ARL14EPL: variants seen among roughly 807,000 people sequenced by gnomAD.
ARL14EPL encodes ARL14 effector protein-like.
In ARL14EPL, 17 loss-of-function variants were observed where a neutral mutation model predicts 15.9. The observed-to-expected ratio is 1.07, with a 90% CI of 0.73 to 1.60. The LOEUF (loss-of-function observed/expected upper bound fraction) is 1.60. Among genes scored for constraint, ARL14EPL ranks in the 40% most tolerant of loss-of-function variants. The probability of loss-of-function intolerance (pLI) is 0.00; values close to 1 mark genes in which losing one functional copy is unlikely to be tolerated. For missense variants in ARL14EPL, 214 were observed against 185.9 expected (o/e 1.15, Z -0.88); for synonymous variants, 78 against 63.8 (o/e 1.22, Z -1.06).
In ARL14EPL at chr5:116,059,263, G is replaced by A. The variant is rs992081873; in HGVS notation, c.*316G>A. 4.1e-6 allele frequency: 1 copy of A among 246,150 alleles called. No homozygotes were observed. 15.2% of individuals were successfully genotyped at this position (246,150 alleles called of 1,614,324 possible). ...CCTCTTTGCTGATATCTGAGAAAAT[G>A]TAGCTTTAAGATTTTCAAAACTCTG... On this transcript the variant is annotated 3_prime_UTR_variant, in exon 4 of 4. Transcript: ENST00000686077.
intron 1 of ARL14EPL, among the ~76,000 whole-genome samples, chr5:116,038,570 G>A (rs987082434): frequency 1.3e-5 from 2 of 152,114 alleles, no homozygotes; most frequent in Non-Finnish European, 1.5e-5. Context: ...GACCACAAAG[G>A]TTTTGGAGGA....
At position 116,047,053 on chromosome 5, in the gene ARL14EPL, T is replaced by C. The variant is rs566777406; in HGVS notation, c.-9-4404T>C. ...AGAGCCTGACCAAAAGCTGACTCAA[T>C]TGGCACCTTGATCTTGGACATCCCA... is the stretch of plus-strand genomic sequence containing the variant. On this transcript the variant is annotated intron_variant, in intron 1 of 3. Coordinates refer to ENST00000686077, the MANE Select transcript of ARL14EPL (RefSeq NM_001195581.2). Among the ~76,000 whole-genome samples, 7 of 152,306 alleles carry C rather than the reference T, an allele frequency of 4.6e-5. No individual in the cohort carries two copies. The East Asian group carries it at 5.8e-4, about 13-fold the overall frequency.
Position 116,039,141 on chromosome 5 carries a change from A to C in ARL14EPL, c.-10+6636A>C, listed in dbSNP as rs184252200. Among the ~76,000 whole-genome samples, 276 of 152,270 alleles carry C rather than the reference A, an allele frequency of 1.8e-3. 1 individual carries two copies. Among genetic ancestry groups the C allele is most frequent in the African/African-American group, 6.3e-3 (260 of 41,558 alleles). On this transcript the variant is annotated intron_variant, in intron 1 of 3. Transcript: ENST00000686077. ...TAGACTCAGTTGTACCCCAGGAGGG[A>C]GTGTAAGCCTGGGGCAGAAGGTCAG...
chr5:116,055,003 T>C (rs1056630604), intron 3 of ARL14EPL, among the ~76,000 whole-genome samples: 2 of 151,908 alleles, frequency 1.3e-5, no homozygotes, highest in Non-Finnish European at 2.9e-5. Flanking sequence ...AAAATCAGTA[T>C]CCAAAATATA....
chr5:116,037,808 G>T (rs1554077504), intron 1 of ARL14EPL, among the ~76,000 whole-genome samples: 1 of 152,132 alleles, frequency 6.6e-6, no homozygotes, highest in Non-Finnish European at 1.5e-5. Context: ...CTATCTAACT[G>T]TTTTCTTACC....
intron 1 of ARL14EPL, among the ~76,000 whole-genome samples, chr5:116,048,867 T>A (rs1383955915): frequency 2.6e-5 from 4 of 152,168 alleles, no homozygotes; most frequent in African/African-American, 4.8e-5. Flanking sequence ...ATAAAGAGAT[T>A]CCTGATTTCA....
intron 1 of ARL14EPL, among the ~76,000 whole-genome samples, chr5:116,037,463 C>A (rs1170017433): frequency 6.6e-6 from 1 of 152,162 alleles, no homozygotes; most frequent in South Asian, 2.1e-4. Context: ...CAGAGATAAA[C>A]AAATCATACC....
rs1749456494 is a variant in ARL14EPL at position 116,054,037 on chromosome 5, A to G, written c.120A>G (p.Lys40=). 5 of 1,535,398 alleles carry G rather than the reference A, an allele frequency of 3.3e-6. No individual in the cohort carries two copies. The highest frequency in any genetic ancestry group is 4.4e-6 in the Non-Finnish European group (5 of 1,146,562). The change falls in exon 3 of 4, where the codon AAA becomes AAG. Residue 40 remains lysine, a synonymous_variant. Coordinates refer to ENST00000686077, the MANE Select transcript of ARL14EPL (RefSeq NM_001195581.2). ...KQLQQIERQL[K]CLAFRNPGPQ... The stretch of plus-strand genomic sequence containing the variant: ...AGCAACAAATAGAGCGGCAGTTAAA[A>G]TGCTTGGCATTTCGAAACCCTGGAC...
At chr5:116,039,307 C>G (rs189660724) in intron 1 of ARL14EPL, among the ~76,000 whole-genome samples, 1 of 152,162 alleles carries the variant, frequency 6.6e-6, no homozygotes. Context: ...GGCCTTCAAG[C>G]AAAGATCACA....
chr5:116,056,851 C>T (rs1249078267), intron 3 of ARL14EPL, among the ~76,000 whole-genome samples: 2 of 152,162 alleles, frequency 1.3e-5, no homozygotes, highest in East Asian at 1.9e-4. Flanking sequence ...GATCCAATTT[C>T]AGCTTTCTAC....
At chr5:116,046,370 T>G (rs1024519709) in intron 1 of ARL14EPL, among the ~76,000 whole-genome samples, 3 of 152,164 alleles carry the variant, frequency 2.0e-5, no homozygotes, top group African/African-American at 7.2e-5. Context: ...CTCTACCCCA[T>G]GCAAGACACA....
chr5:116,050,443 C>T (rs1387341835), intron 1 of ARL14EPL, among the ~76,000 whole-genome samples: 2 of 152,158 alleles, frequency 1.3e-5, no homozygotes, highest in East Asian at 1.9e-4. Context: ...TTTATGGCTG[C>T]GTGGTATTCC....
intron 3 of ARL14EPL, among the ~76,000 whole-genome samples, chr5:116,056,753 T>A (rs1749527256): frequency 6.6e-6 from 1 of 152,182 alleles, no homozygotes; most frequent in East Asian, 1.9e-4. Context: ...ATTGCCTAGG[T>A]TTTCTTCTAG....
chr5:116,035,315 G>A (rs1749029257), intron 1 of ARL14EPL, among the ~76,000 whole-genome samples: 1 of 152,190 alleles, frequency 6.6e-6, no homozygotes, highest in Admixed American at 6.5e-5. Flanking sequence ...GCTTCAGTAG[G>A]TACTTCATTT....
intron 1 of ARL14EPL, among the ~76,000 whole-genome samples, chr5:116,041,180 A>G (rs1312186045): frequency 6.6e-6 from 1 of 152,056 alleles, no homozygotes; most frequent in Non-Finnish European, 1.5e-5. Context: ...GCCAATATTG[A>G]CAAAGTTCAC....
chr5:116,044,534 A>G (rs1749228771), intron 1 of ARL14EPL, among the ~76,000 whole-genome samples: 1 of 152,124 alleles, frequency 6.6e-6, no homozygotes, highest in African/African-American at 2.4e-5. Flanking sequence ...TAGTGCTATT[A>G]GTGCTATTTA....
Position 116,059,003 on chromosome 5 carries a change from C to G in ARL14EPL, c.*56C>G. 6.7e-7 allele frequency: 1 copy of G among 1,484,292 alleles called. No individual in the cohort carries two copies. Among genetic ancestry groups the G allele is most frequent in the Non-Finnish European group, 9.1e-7 (1 of 1,102,536 alleles). The allele number at this position is 1,484,292 out of a possible 1,614,324, so 91.9% of individuals were successfully genotyped here. ...TCTTCTTACACATTTAAGTTGACCT[C>G]TTTCTTTTGGGTGAATTTTAGGGCT... is the stretch of plus-strand genomic sequence containing the variant. On this transcript the variant is annotated 3_prime_UTR_variant, in exon 4 of 4. Coordinates refer to ENST00000686077, the MANE Select transcript of ARL14EPL (RefSeq NM_001195581.2).
intron 1 of ARL14EPL, among the ~76,000 whole-genome samples, chr5:116,041,254 A>G (rs1749152099): frequency 6.6e-6 from 1 of 152,148 alleles, no homozygotes; most frequent in African/African-American, 2.4e-5. Context: ...GCAAACGTAT[A>G]ATGGCATATA....
chr5:116,053,921 T>C (rs1749453942), intron 2 of ARL14EPL, 93 bp from the exon 3 acceptor site: 2 of 1,089,058 alleles, frequency 1.8e-6, no homozygotes, highest in East Asian at 2.6e-5. Flanking sequence ...TTCATGCCTT[T>C]ATGGTGAAAG....
Sources: gnomAD v4.1 joint callset for allele counts (sites outside exome capture counted in the v4.1 genomes callset) on GRCh38, gnomAD v4.1.1 for gene constraint, MANE v1.5 for transcripts, NCBI Gene and HGNC (gene_info 2026-07-23, HGNC 2026-07-21) for gene names.